RPRD2: variants seen among roughly 807,000 people sequenced by gnomAD.
The protein encoded by RPRD2 is regulation of nuclear pre-mRNA domain-containing protein 2.
Under a neutral mutation model 104.4 loss-of-function variants are expected in RPRD2, and 12 were observed. That is an observed-to-expected ratio of 0.11 (90% CI 0.07 to 0.19). The LOEUF (loss-of-function observed/expected upper bound fraction) is 0.19, where lower values mean the gene tolerates loss of function less well. Among genes scored for constraint, RPRD2 ranks in the 10% least tolerant of loss-of-function variants. RPRD2 has a pLI of 1.00. For missense variants in RPRD2, 1,543 were observed against 1,790.1 expected, an observed-to-expected ratio of 0.86 and a Z score of 2.49; for synonymous variants, 714 against 684.9, an observed-to-expected ratio of 1.04 and a Z score of -0.66.
chr1:150,381,857 G>A (rs1193878143), intron 1 of RPRD2, among the ~76,000 whole-genome samples: 1 of 152,054 alleles, frequency 6.6e-6, no homozygotes, highest in Non-Finnish European at 1.5e-5. Context: ...ATACTGTATT[G>A]TACTGTTGTA....
Position 150,443,262 on chromosome 1 carries a change from T to G in RPRD2, c.546T>G (p.Ser182=). 1 of 1,577,026 alleles carries G rather than the reference T, an allele frequency of 6.3e-7. No homozygotes were observed. Among genetic ancestry groups the G allele is most frequent in the Middle Eastern group, 1.7e-4 (1 of 6,002 alleles). The part of the protein sequence containing the change: ...TSTNPKAALK[S]KIVAEFRSQA... ...CAAATCCAAAAGCTGCTCTCAAGTC[T>G]AAGATAGTTGCTGAATTTCGAGTAA... is the stretch of plus-strand genomic sequence containing the variant. The change falls in exon 5 of 11, where the codon TCT becomes TCG. Residue 182 remains serine, a synonymous_variant. Transcript: ENST00000369068.
chr1:150,469,182 A>G (rs1343664550), intron 10 of RPRD2, among the ~76,000 whole-genome samples: 1 of 152,148 alleles, frequency 6.6e-6, no homozygotes, highest in East Asian at 1.9e-4. Flanking sequence ...CACATGAAGT[A>G]TTTTCTTTAA....
In RPRD2 at chr1:150,474,123, C is replaced by A. The variant is rs1430268632; in HGVS notation, c.*789C>A. On this transcript the variant is annotated 3_prime_UTR_variant, in exon 11 of 11. Transcript: ENST00000369068. ...AGTTTCACATGTCTTGCACCAAGCT[C>A]ATGCCTCTTGCTTTTCCTTTTTGAC... is the stretch of plus-strand genomic sequence containing the variant. 1 of 152,208 alleles carries A rather than the reference C, an allele frequency of 6.6e-6. No individual in the cohort carries two copies. The highest frequency in any genetic ancestry group is 2.4e-5 in the African/African-American group (1 of 41,444). The allele number at this position is 152,208 out of a possible 1,614,324, so 9.4% of individuals were successfully genotyped here. A position where few individuals can be genotyped will look rare whatever the true frequency, so the allele number is the denominator to read the frequency against.
intron 1 of RPRD2, among the ~76,000 whole-genome samples, chr1:150,400,060 CT>C (rs1342627143): frequency 3.3e-5 from 5 of 152,080 alleles, no homozygotes; most frequent in African/African-American, 1.2e-4. Context: ...TCTTTGATTT[CT>C]TTTATCAGTG....
chr1:150,401,949 T>C (rs1337949465), intron 1 of RPRD2, among the ~76,000 whole-genome samples: 3 of 127,458 alleles, frequency 2.4e-5, no homozygotes, highest in Non-Finnish European at 4.8e-5. Flanking sequence ...AGTGGGGTTT[T>C]TTTTTTTAAT....
At chr1:150,425,416 G>A (rs587701247) in intron 2 of RPRD2, among the ~76,000 whole-genome samples, 1 of 152,240 alleles carries the variant, frequency 6.6e-6, no homozygotes, top group East Asian at 1.9e-4. Context: ...GGCCGAGGCA[G>A]GTGGATCACC....
intron 1 of RPRD2, among the ~76,000 whole-genome samples, chr1:150,365,858 A>C (rs1465571013): frequency 6.6e-6 from 1 of 152,084 alleles, no homozygotes; most frequent in Non-Finnish European, 1.5e-5. Flanking sequence ...CCCAAAGTGC[A>C]GGGATTACAG....
Position 150,364,841 on chromosome 1 carries a change from G to C in RPRD2, c.127G>C (p.Gly43Arg). The C allele has an allele frequency of 6.2e-7, 1 of 1,613,966 alleles. No homozygotes were observed. Among genetic ancestry groups the C allele is most frequent in the Non-Finnish European group, 8.5e-7 (1 of 1,179,834 alleles). Residue 43 changes from glycine to arginine, a missense_variant, in exon 1 of 11, where the codon GGC (glycine) becomes CGC (arginine). Physicochemically the swap from Gly to Arg is moderately radical, Grantham distance 125 (BLOSUM62 -2). Transcript: ENST00000369068. Reference protein sequence around the residue: ...SVTNTMESIQGLSSWCIENKK... With the variant: ...SVTNTMESIQRLSSWCIENKK... ...AACCAACACCATGGAGTCCATTCAA[G>C]GCTTGTCGTCTTGGTGTATAGAGAA...
At chr1:150,432,207 AT>A (rs1665652296) in intron 2 of RPRD2, among the ~76,000 whole-genome samples, 1 of 151,898 alleles carries the variant, frequency 6.6e-6, no homozygotes, top group Non-Finnish European at 1.5e-5. Context: ...GAAAAGTCTG[AT>A]AAATGCTACA....
chr1:150,466,422 G>A (rs1668279811), intron 10 of RPRD2, among the ~76,000 whole-genome samples: 1 of 150,028 alleles, frequency 6.7e-6, no homozygotes, highest in South Asian at 2.1e-4. Flanking sequence ...AGTGGTGCAT[G>A]CCTGTAGTTC....
chr1:150,378,013 A>G (rs1660851246), intron 1 of RPRD2, among the ~76,000 whole-genome samples: 1 of 152,204 alleles, frequency 6.6e-6, no homozygotes, highest in Non-Finnish European at 1.5e-5. Context: ...TTTGTTTTAT[A>G]TAAGCAGAAG....
At chr1:150,412,623 C>A (rs1363910466) in intron 1 of RPRD2, among the ~76,000 whole-genome samples, 1 of 152,040 alleles carries the variant, frequency 6.6e-6, no homozygotes, top group African/African-American at 2.4e-5. Context: ...AGAAATGAGA[C>A]TGGAAGAGAA....
chr1:150,464,304 C>T (rs1365056178), intron 9 of RPRD2, among the ~76,000 whole-genome samples: 6 of 151,704 alleles, frequency 4.0e-5, no homozygotes, highest in Admixed American at 6.6e-5. Context: ...CCACCTCGCC[C>T]GGCCAATACT....
At chr1:150,456,802 A>C (rs1286975060) in intron 7 of RPRD2, among the ~76,000 whole-genome samples, 1 of 150,600 alleles carries the variant, frequency 6.6e-6, no homozygotes, top group African/African-American at 2.4e-5. Flanking sequence ...GTGCACGCCT[A>C]TAATTCCAGC....
chr1:150,371,563 G>A (rs1193408365), intron 1 of RPRD2, among the ~76,000 whole-genome samples: 7 of 152,148 alleles, frequency 4.6e-5, no homozygotes, highest in Admixed American at 4.6e-4. Context: ...TAGAGATGGG[G>A]TTTCACTGTG....
At chr1:150,425,269 CATT>C (rs1400830400) in intron 2 of RPRD2, among the ~76,000 whole-genome samples, 1 of 152,048 alleles carries the variant, frequency 6.6e-6, no homozygotes, top group South Asian at 2.1e-4. Context: ...CTACTACTGC[CATT>C]ATTATTATTA....
In RPRD2 at chr1:150,376,121, T is replaced by G. The variant is rs782216195; in HGVS notation, c.205+11202T>G. 2.2e-4 allele frequency among the ~76,000 whole-genome samples: 33 copies of G among 152,342 alleles called. 1 individual carries two copies. Among genetic ancestry groups the G allele is most frequent in the Non-Finnish European group, 4.4e-4 (30 of 68,028 alleles). On this transcript the variant is annotated intron_variant, in intron 1 of 10. Transcript: ENST00000369068. Reference sequence around the variant, plus strand: ...GATAGTTTTTAAAAATGCTTCATTCTTATTCTCTTGTTTTTAGAGAAATAT... The same window carrying G: ...GATAGTTTTTAAAAATGCTTCATTCGTATTCTCTTGTTTTTAGAGAAATAT...
chr1:150,431,473 A>ATGTTTTTTTTTTTTTTTTTTTTTT (rs1665568391), intron 2 of RPRD2, among the ~76,000 whole-genome samples: 1 of 78,850 alleles, frequency 1.3e-5, no homozygotes, highest in African/African-American at 4.5e-5. Flanking sequence ...AAAAGGAAGG[A>ATGTTTTTTTTTTTTTTTTTTTTTT]TTTTTTTTTT....
chr1:150,423,334 C>A (rs1412176469), intron 2 of RPRD2, among the ~76,000 whole-genome samples: 4 of 152,184 alleles, frequency 2.6e-5, no homozygotes. Flanking sequence ...CCTTTAAGAA[C>A]TGAGGGTTTG....
Sources: allele counts gnomAD v4.1 joint callset (sites outside exome capture counted in the v4.1 genomes callset), GRCh38; gene constraint gnomAD v4.1.1; transcripts MANE v1.5; gene names NCBI Gene and HGNC (gene_info 2026-07-23, HGNC 2026-07-21).